SIRT2: variants seen among roughly 807,000 people sequenced by gnomAD.
SIRT2 encodes the protein NAD-dependent protein deacetylase sirtuin-2.
Under a neutral mutation model 57.4 loss-of-function variants are expected in SIRT2, and 40 were observed. That is an observed-to-expected ratio of 0.70 (90% CI 0.54 to 0.91). The LOEUF (loss-of-function observed/expected upper bound fraction) is 0.91. SIRT2 is among the 40% of genes least tolerant of loss of function. The probability of loss-of-function intolerance (pLI) is 0.00; values close to 1 mark genes in which losing one functional copy is unlikely to be tolerated. For synonymous variants in SIRT2, 161 were observed against 195.7 expected (o/e 0.82, Z 1.48); for missense variants, 439 against 510.4 (o/e 0.86, Z 1.35).
chr19:38,890,236 A>G (rs1281276836), intron 4 of SIRT2, 92 bp from the exon 5 acceptor site: 5 of 1,333,540 alleles, frequency 3.7e-6, no homozygotes, highest in Non-Finnish European at 5.4e-6. Context: ...CGTTTACTCC[A>G]TGCCAGGCCC....
chr19:38,898,486 G>T, intron 1 of SIRT2, 61 bp from the exon 2 acceptor site: 1 of 1,036,786 alleles, frequency 9.6e-7, no homozygotes, highest in Non-Finnish European at 1.4e-6. Flanking sequence ...GAATAAAGGG[G>T]TTCAAATGGT....
Position 38,893,803 on chromosome 19 carries a change from C to CAGG in SIRT2, c.112+15_112+16insCCT. 6.2e-7 allele frequency: 1 copy of CAGG among 1,613,942 alleles called. No individual in the cohort carries two copies. Among genetic ancestry groups the CAGG allele is most frequent in the African/African-American group, 1.3e-5 (1 of 75,036 alleles). On this transcript the variant is annotated intron_variant, in intron 3 of 15. Coordinates refer to ENST00000249396, the MANE Select transcript of SIRT2 (RefSeq NM_012237.4). Reference sequence around the variant, plus strand: ...CCCCAGAACCCTGCTCCCTGTCCCTCCAGGAAGATACTCACTGTCTGCTTC... The same window carrying CAGG: ...CCCCAGAACCCTGCTCCCTGTCCCTCAGGCAGGAAGATACTCACTGTCTGCTTC...
chr19:38,879,374 G>A, intron 15 of SIRT2, 60 bp downstream of exon 15: 1 of 1,600,648 alleles, frequency 6.2e-7, no homozygotes, highest in Non-Finnish European at 8.5e-7. Flanking sequence ...AGGACCCATG[G>A]GGTGGGGAGA....
chr19:38,894,754 C>G, intron 2 of SIRT2: 1 of 455,238 alleles, frequency 2.2e-6, no homozygotes, highest in Non-Finnish European at 4.4e-6. Flanking sequence ...AGCCTCCCCT[C>G]AGCCCAGCTC....
At chr19:38,886,775 C>T (rs942084368) in intron 8 of SIRT2, among the ~76,000 whole-genome samples, 4 of 151,928 alleles carry the variant, frequency 2.6e-5, no homozygotes, top group Non-Finnish European at 5.9e-5. Context: ...GCACGCACCA[C>T]CACACCCAGC....
chr19:38,887,616 C>T (rs1973383462), intron 8 of SIRT2, among the ~76,000 whole-genome samples: 1 of 152,200 alleles, frequency 6.6e-6, no homozygotes, highest in African/African-American at 2.4e-5. Context: ...GAACACCTCG[C>T]CCACCTGAGA....
rs969407451 is a variant in SIRT2 at position 38,890,238 on chromosome 19, G to A, written c.227-94C>T. 1.5e-5 allele frequency: 20 copies of A among 1,310,742 alleles called. No homozygotes were observed. In the African/African-American group the frequency reaches 2.6e-4, roughly 17 times the overall value. 81.2% of individuals were successfully genotyped at this position (1,310,742 alleles called of 1,614,324 possible). The stretch of plus-strand genomic sequence containing the variant: ...CAGCCCCTGACATCGTTTACTCCAT[G>A]CCAGGCCCTGGGGCAAGCATCTCAG... On this transcript the variant is annotated intron_variant, in intron 4 of 15. Coordinates refer to ENST00000249396, the MANE Select transcript of SIRT2 (RefSeq NM_012237.4).
chr19:38,890,209 A>C, intron 4 of SIRT2, 65 bp from the exon 5 acceptor site: 5 of 1,540,440 alleles, frequency 3.2e-6, no homozygotes, highest in Non-Finnish European at 2.7e-6. Flanking sequence ...AGCACCACCC[A>C]TCACAGCCCC....
chr19:38,895,115 C>A (rs559868766), intron 2 of SIRT2, among the ~76,000 whole-genome samples: 1 of 151,454 alleles, frequency 6.6e-6, no homozygotes, highest in African/African-American at 2.4e-5. Flanking sequence ...AGAGCATGTA[C>A]GCTGAGCCTC....
rs757115883 is a variant in SIRT2, at chr19:38,899,598, T to C, written c.-77A>G. ...CCAACCACTGTGTCCCGTCACCGAC[T>C]GCTCTGTCCTGTCACCGACTGCTCT... is the stretch of plus-strand genomic sequence containing the variant. On this transcript the variant is annotated 5_prime_UTR_variant, in exon 1 of 16. Transcript: ENST00000249396. 6.3e-7 allele frequency: 1 copy of C among 1,588,954 alleles called. No homozygotes were observed. The highest frequency in any genetic ancestry group is 8.6e-7 in the Non-Finnish European group (1 of 1,157,842).
At chr19:38,898,624 G>C in intron 1 of SIRT2, 199 bp from the exon 2 acceptor site, 1 of 400,280 alleles carries the variant, frequency 2.5e-6, no homozygotes, top group African/African-American at 2.0e-5. Flanking sequence ...CGGGAGAGGT[G>C]ATTAGTGAGG....
In SIRT2 at chr19:38,890,116, A is replaced by G. The variant is rs748900942; in HGVS notation, c.255T>C (p.Ala85=). Residue 85 remains alanine, a synonymous_variant, in exon 5 of 16, where the codon GCT becomes GCC. Transcript: ENST00000249396. ...AGGGTTACTTACATGTGGAGATTCCAGCTCCCACCAAACAGATGACTCTGC... is the reference window on the plus strand; with the variant it reads ...AGGGTTACTTACATGTGGAGATTCCGGCTCCCACCAAACAGATGACTCTGC... ...RCRRVICLVG[A]GISTSAGIPD... is the part of the protein sequence containing the mutation. The G allele has an allele frequency of 1.2e-6, 2 of 1,614,148 alleles. No homozygotes were observed. The highest frequency in any genetic ancestry group is 1.7e-5 in the Admixed American group (1 of 60,022).
rs755684272 is a variant in SIRT2, at chr19:38,889,702, G to A, written c.419C>T (p.Pro140Leu). The stretch of plus-strand genomic sequence containing the variant: ...CAAAGATCTCACCTTGAACTGCCCA[G>A]GATAGAGTTCCTTGGCGAGGGCGAA... ...PFFALAKELY[P>L]GQFKPTICHY... The change falls in exon 7 of 16, where the codon CCT becomes CTT. Residue 140 changes from proline (P) to leucine (L), a missense_variant. Transcript: ENST00000249396. 6 of 1,614,110 alleles carry A rather than the reference G, an allele frequency of 3.7e-6. No individual in the cohort carries two copies. The East Asian group carries it at 1.1e-4, about 30-fold the overall frequency.
rs1370214075 is a variant in SIRT2, at chr19:38,880,925, C to T, written c.748-28G>A. 1.2e-6 allele frequency: 2 copies of T among 1,605,650 alleles called. No individual in the cohort carries two copies. The highest frequency in any genetic ancestry group is 1.3e-5 in the African/African-American group (1 of 74,698). On this transcript the variant is annotated intron_variant, in intron 11 of 15. Coordinates refer to ENST00000249396, the MANE Select transcript of SIRT2 (RefSeq NM_012237.4). The surrounding 1 kb of genome is among the most constrained non-coding windows in gnomAD (Gnocchi z 4.1). ...GCGGGGAGGGGCGTGAGCTTGGGAG[C>T]CTCCGCCCAGGCTGCGCCACCGCTC...
At chr19:38,889,468 T>A (rs1973452352) in intron 7 of SIRT2, 1 of 661,378 alleles carries the variant, frequency 1.5e-6, no homozygotes, top group Non-Finnish European at 2.7e-6. Flanking sequence ...GCAGCCCTCT[T>A]CAGACAGTAC....
At chr19:38,890,246 C>T in intron 4 of SIRT2, 102 bp from the exon 5 acceptor site, 1 of 1,185,736 alleles carries the variant, frequency 8.4e-7, no homozygotes, top group Non-Finnish European at 1.2e-6. Flanking sequence ...ATGCCAGGCC[C>T]TGGGGCAAGC....
chr19:38,881,032 G>A (rs1973133848), intron 11 of SIRT2, 68 bp downstream of exon 11: 1 of 1,567,036 alleles, frequency 6.4e-7, no homozygotes, highest in South Asian at 1.1e-5. Flanking sequence ...GGCCCAGGCT[G>A]CCCCCATGGG....
At chr19:38,884,503 C>T (rs1014682677) in intron 8 of SIRT2, among the ~76,000 whole-genome samples, 2 of 151,922 alleles carry the variant, frequency 1.3e-5, no homozygotes, top group Admixed American at 1.3e-4. Flanking sequence ...GGCTGGAGTG[C>T]AGTGGCACAA....
chr19:38,880,996 TG>T lies in SIRT2; in HGVS notation c.748-100del. 6.5e-7 allele frequency: 1 copy of T among 1,538,460 alleles called. No individual in the cohort carries two copies. The highest frequency in any genetic ancestry group is 8.9e-7 in the Non-Finnish European group (1 of 1,119,242). ...AAACCTCCCTGCCGCCCCCCATAGCTGGGGAGGTGACCTTTCCTGAGGCAGG... is the reference window on the plus strand; with the variant it reads ...AAACCTCCCTGCCGCCCCCCATAGCTGGGAGGTGACCTTTCCTGAGGCAGG... On this transcript the variant is annotated intron_variant, in intron 11 of 15. Coordinates refer to ENST00000249396, the MANE Select transcript of SIRT2 (RefSeq NM_012237.4). This position sits in a 1 kb window ranked among gnomAD's most constrained non-coding sequence, Gnocchi z 4.1.
Sources: gnomAD v4.1 joint callset for allele counts (sites outside exome capture counted in the v4.1 genomes callset) on GRCh38, gnomAD v4.1.1 for gene constraint, Gnocchi (gnomAD v3.1) non-coding constraint, MANE v1.5 for transcripts, NCBI Gene and HGNC (gene_info 2026-07-23, HGNC 2026-07-21) for gene names.